TMEM150C: variants seen among roughly 807,000 people sequenced by gnomAD.
The protein encoded by TMEM150C is transmembrane protein 150C.
In TMEM150C, 10 loss-of-function variants were observed where a neutral mutation model predicts 29.9. The ratio of observed to expected loss-of-function variants is 0.33; its 90% CI spans 0.21 to 0.57. The LOEUF (loss-of-function observed/expected upper bound fraction) is 0.57. Among genes scored for constraint, TMEM150C ranks in the 20% least tolerant of loss-of-function variants. TMEM150C has a pLI of 0.88. For synonymous variants in TMEM150C, 101 were observed against 112.5 expected (o/e 0.90, Z 0.64); for missense variants, 251 against 303.6 (o/e 0.83, Z 1.29).
At chr4:82,505,643 T>C (rs1723894388) in intron 1 of TMEM150C, among the ~76,000 whole-genome samples, 1 of 152,222 alleles carries the variant, frequency 6.6e-6, no homozygotes, top group Non-Finnish European at 1.5e-5. Context: ...GACATGTTAT[T>C]GAGCAGCAAT....
At chr4:82,493,127 T>C (rs1222278373) in intron 6 of TMEM150C, among the ~76,000 whole-genome samples, 1 of 151,646 alleles carries the variant, frequency 6.6e-6, no homozygotes, top group Non-Finnish European at 1.5e-5. Context: ...TCAGATGTTT[T>C]GTTGTTTGAC....
chr4:82,547,043 A>G (rs780723012), intron 1 of TMEM150C, among the ~76,000 whole-genome samples: 17 of 152,122 alleles, frequency 1.1e-4, no homozygotes, highest in Admixed American at 6.5e-4. Context: ...AAAAATTGAG[A>G]AGTGGGACCT....
At chr4:82,525,098 A>G (rs114073970) in intron 1 of TMEM150C, among the ~76,000 whole-genome samples, 139 of 152,334 alleles carry the variant, frequency 9.1e-4, no homozygotes, top group African/African-American at 3.1e-3. Flanking sequence ...TGGAGGTAGG[A>G]GGTGACCATA....
At chr4:82,499,776 T>C (rs1299298657) in intron 5 of TMEM150C, among the ~76,000 whole-genome samples, 4 of 148,638 alleles carry the variant, frequency 2.7e-5, no homozygotes, top group African/African-American at 1.0e-4. Flanking sequence ...ATTTTTCTAA[T>C]TACATTTTAA....
chr4:82,560,871 A>G (rs148424576), intron 1 of TMEM150C, among the ~76,000 whole-genome samples: 1,589 of 152,300 alleles, frequency 0.01, 28 homozygotes, highest in African/African-American at 0.036. Context: ...TTGTTTTTCA[A>G]CATGGCATTG....
Position 82,485,216 on chromosome 4 carries a change from A to C in TMEM150C, c.*295T>G. 6.1e-6 allele frequency: 2 copies of C among 327,316 alleles called. No homozygotes were observed. Among genetic ancestry groups the C allele is most frequent in the Non-Finnish European group, 1.2e-5 (2 of 173,090 alleles). The allele number at this position is 327,316 out of a possible 1,614,324, so 20.3% of individuals were successfully genotyped here. Reference sequence around the variant, plus strand: ...AGGGTGCTTGAGACATGTGGAGAGAATGGGAAGAGGAGGGAGTGCTGGGAA... The same window carrying C: ...AGGGTGCTTGAGACATGTGGAGAGACTGGGAAGAGGAGGGAGTGCTGGGAA... On this transcript the variant is annotated 3_prime_UTR_variant, in exon 8 of 8. Coordinates refer to ENST00000449862, the MANE Select transcript of TMEM150C (RefSeq NM_001080506.3).
intron 2 of TMEM150C, 79 bp downstream of exon 2, chr4:82,504,499 C>T: frequency 1.6e-6 from 2 of 1,237,320 alleles, no homozygotes; most frequent in Non-Finnish European, 2.3e-6. Context: ...CCGTGCCCGG[C>T]TGCCATATAC....
chr4:82,528,869 T>C (rs1398512249), intron 1 of TMEM150C, among the ~76,000 whole-genome samples: 1 of 152,140 alleles, frequency 6.6e-6, no homozygotes, highest in Admixed American at 6.6e-5. Flanking sequence ...ATCCTTGTCC[T>C]CTTTACCTAC....
At chr4:82,530,329 G>T (rs1032521791) in intron 1 of TMEM150C, among the ~76,000 whole-genome samples, 1 of 151,954 alleles carries the variant, frequency 6.6e-6, no homozygotes, top group South Asian at 2.1e-4. Context: ...AGGCAGAGGC[G>T]GGTGGATCAC....
intron 1 of TMEM150C, among the ~76,000 whole-genome samples, chr4:82,546,611 G>A (rs767019333): frequency 6.6e-5 from 10 of 152,154 alleles, no homozygotes; most frequent in Middle Eastern, 6.8e-3. Context: ...GGCAGATTAC[G>A]AGGCCAGGAG....
chr4:82,521,407 T>C (rs889299407), intron 1 of TMEM150C, among the ~76,000 whole-genome samples: 2 of 152,070 alleles, frequency 1.3e-5, no homozygotes, highest in African/African-American at 2.4e-5. Flanking sequence ...AAATATAAGA[T>C]TGAAAAAAGC....
intron 7 of TMEM150C, among the ~76,000 whole-genome samples, chr4:82,487,388 G>A (rs566911904): frequency 3.3e-5 from 5 of 152,296 alleles, no homozygotes; most frequent in Admixed American, 6.5e-5. Context: ...GGTGGAGGTT[G>A]CAGTGAGCCA....
At chr4:82,508,081 CT>C (rs1723997484) in intron 1 of TMEM150C, among the ~76,000 whole-genome samples, 1 of 152,124 alleles carries the variant, frequency 6.6e-6, no homozygotes, top group Non-Finnish European at 1.5e-5. Flanking sequence ...GGAGATGGAT[CT>C]TTTTCTTGCA....
chr4:82,506,690 A>G (rs777542990), intron 1 of TMEM150C, among the ~76,000 whole-genome samples: 37 of 152,252 alleles, frequency 2.4e-4, no homozygotes, highest in Non-Finnish European at 4.8e-4. Flanking sequence ...ATAATACGGA[A>G]GAACAGTGAA....
chr4:82,521,163 C>A (rs1446779906), intron 1 of TMEM150C, among the ~76,000 whole-genome samples: 1 of 152,154 alleles, frequency 6.6e-6, no homozygotes, highest in African/African-American at 2.4e-5. Flanking sequence ...TCCCCTAACC[C>A]CTAGAATTTC....
At chr4:82,542,115 G>T (rs1381053733) in intron 1 of TMEM150C, among the ~76,000 whole-genome samples, 4 of 152,110 alleles carry the variant, frequency 2.6e-5, no homozygotes, top group Non-Finnish European at 5.9e-5. Context: ...TTAATGAGAA[G>T]ATACTAATAA....
intron 5 of TMEM150C, 180 bp from the exon 6 acceptor site, chr4:82,496,375 A>G: frequency 1.9e-6 from 1 of 529,410 alleles, no homozygotes; most frequent in South Asian, 3.3e-5. Context: ...CATCTCTGGA[A>G]TGATCCACAA....
Position 82,502,913 on chromosome 4 carries a change from T to C in TMEM150C, c.149A>G (p.Lys50Arg). 1.3e-6 allele frequency: 2 copies of C among 1,596,514 alleles called. No homozygotes were observed. The highest frequency in any genetic ancestry group is 2.3e-5 in the South Asian group (2 of 88,180). ...GGGTTACCTTATATATGGTGCATGC[T>C]TCACACCAGGTTTCCTGGATAATAA... ...LNSAERKPGV[K>R]HAPYISIAGD... Residue 50 changes from lysine to arginine, a missense_variant, in exon 4 of 8, where the codon AAG (lysine) becomes AGG (arginine). By Grantham distance (26) the Lys-to-Arg change is conservative (BLOSUM62 2). Coordinates refer to ENST00000449862, the MANE Select transcript of TMEM150C (RefSeq NM_001080506.3).
chr4:82,538,503 C>T (rs1031028884), intron 1 of TMEM150C, among the ~76,000 whole-genome samples: 5 of 151,620 alleles, frequency 3.3e-5, no homozygotes, highest in African/African-American at 1.2e-4. Flanking sequence ...TAGGAAAATG[C>T]TTATATATAC....
Sources: gnomAD v4.1 joint callset for allele counts (sites outside exome capture counted in the v4.1 genomes callset) on GRCh38, gnomAD v4.1.1 for gene constraint, MANE v1.5 for transcripts, NCBI Gene and HGNC (gene_info 2026-07-23, HGNC 2026-07-21) for gene names.